Variants in SLC25A28 observed in about 807,000 individuals in gnomAD.
SLC25A28 encodes the protein mitoferrin-2.
A neutral mutation model predicts 31.9 loss-of-function variants in SLC25A28; 10 were observed. That is an observed-to-expected ratio of 0.31 (90% CI 0.19 to 0.53). SLC25A28 has a LOEUF of 0.53. Among genes scored for constraint, SLC25A28 ranks in the 20% least tolerant of loss-of-function variants. The pLI is 0.95. For missense variants in SLC25A28, 256 were observed against 490.3 expected (o/e 0.52, Z 4.51); for synonymous variants, 208 against 203.6 (o/e 1.02, Z -0.19).
At chr10:99,614,837 A>T (rs1007338925) in intron 1 of SLC25A28, among the ~76,000 whole-genome samples, 1 of 152,186 alleles carries the variant, frequency 6.6e-6, no homozygotes, top group Admixed American at 6.5e-5. Context: ...GTAAAGTAAC[A>T]TGGAAACTAA....
Position 99,617,835 on chromosome 10 carries a change from CAAA to C in SLC25A28, c.291+2207_291+2209del. 3.2e-6 allele frequency: 3 copies of C among 944,962 alleles called. No homozygotes were observed. The South Asian group carries it at 1.5e-4, about 46-fold the overall frequency. 58.5% of individuals were successfully genotyped at this position (944,962 alleles called of 1,614,324 possible). A position where few individuals can be genotyped will look rare whatever the true frequency, so the allele number is the denominator to read the frequency against. ...TGTTGTATGACTAATTTTTAAAAAA[CAAA>C]AATTCCAAAGTTTATGTAAATGAGT... On this transcript the variant is annotated intron_variant, in intron 1 of 3. Transcript: ENST00000370495.
intron 1 of SLC25A28, chr10:99,616,891 A>T (rs564671903): frequency 7.5e-6 from 7 of 936,542 alleles, no homozygotes; most frequent in Non-Finnish European, 7.6e-6. Flanking sequence ...AAATGAATAA[A>T]TGTATGTAAG....
the SLC25A28 span, chr10:99,652,129 G>A: frequency 2.0e-5 from 3 of 151,928 alleles, no homozygotes; most frequent in Admixed American, 2.0e-4. Context: ...ATTTCTCTGC[G>A]TTCTTATCAT....
At chr10:99,629,104 C>CT in the SLC25A28 span, among the ~76,000 whole-genome samples, 1 of 152,122 alleles carries the variant, frequency 6.6e-6, no homozygotes, top group Non-Finnish European at 1.5e-5. Context: ...CCAGGTGGGC[C>CT]TACTGGGAGG....
At chr10:99,642,557 A>T in the SLC25A28 span, among the ~76,000 whole-genome samples, 1 of 151,748 alleles carries the variant, frequency 6.6e-6, no homozygotes, top group Non-Finnish European at 1.5e-5. Flanking sequence ...AATACCCTTT[A>T]TTTTTCTCCT....
the SLC25A28 span, among the ~76,000 whole-genome samples, chr10:99,656,741 G>T: frequency 6.6e-6 from 1 of 152,230 alleles, no homozygotes; most frequent in African/African-American, 2.4e-5. Context: ...AATTGCAAAT[G>T]TAATTGTAAG....
chr10:99,627,408 A>G, the SLC25A28 span, among the ~76,000 whole-genome samples: 3 of 149,144 alleles, frequency 2.0e-5, no homozygotes, highest in East Asian at 5.9e-4. Flanking sequence ...ATCCAATTAC[A>G]CTCTTTATTT....
At chr10:99,658,897 C>G in the SLC25A28 span, among the ~76,000 whole-genome samples, 1 of 152,194 alleles carries the variant, frequency 6.6e-6, no homozygotes, top group African/African-American at 2.4e-5. Flanking sequence ...TTCATGATGA[C>G]TGGCATAAGC....
the SLC25A28 span, among the ~76,000 whole-genome samples, chr10:99,645,495 G>C: frequency 6.6e-6 from 1 of 152,082 alleles, no homozygotes; most frequent in African/African-American, 2.4e-5. Flanking sequence ...CGGTGGGTTC[G>C]AACATTCTCC....
At chr10:99,657,539 G>A in the SLC25A28 span, among the ~76,000 whole-genome samples, 2 of 151,870 alleles carry the variant, frequency 1.3e-5, no homozygotes, top group Non-Finnish European at 2.9e-5. Context: ...AAGAAGAAAG[G>A]CAAATTAGGA....
the SLC25A28 span, among the ~76,000 whole-genome samples, chr10:99,643,374 C>T: frequency 6.6e-6 from 1 of 152,196 alleles, no homozygotes; most frequent in African/African-American, 2.4e-5. Flanking sequence ...ATAGTATTCT[C>T]TGATGGTAGT....
Position 99,612,604 on chromosome 10 carries a change from A to G in SLC25A28, c.521-5T>C, listed in dbSNP as rs774749885. 1.9e-6 allele frequency: 3 copies of G among 1,614,162 alleles called. No individual in the cohort carries two copies. Among genetic ancestry groups the G allele is most frequent in the Middle Eastern group, 1.6e-4 (1 of 6,062 alleles). On this transcript the variant is annotated splice_region_variant and splice_polypyrimidine_tract_variant and intron_variant, in intron 2 of 3. Coordinates refer to ENST00000370495, the MANE Select transcript of SLC25A28 (RefSeq NM_031212.4). ...TTGCCACACACCCGGCCGCACCTGC[A>G]AACAAGAAAACAACTGCCACATGTA...
chr10:99,612,765 A>C lies in SLC25A28; in HGVS notation c.521-166T>G, dbSNP rs180898187. The C allele has an allele frequency of 7.1e-3, 5,114 of 718,008 alleles. 32 individuals are homozygous for C. Among genetic ancestry groups the C allele is most frequent in the South Asian group, 0.017 (1,030 of 61,816 alleles). The allele number at this position is 718,008 out of a possible 1,614,324, so 44.5% of individuals were successfully genotyped here. A position where few individuals can be genotyped will look rare whatever the true frequency, so the allele number is the denominator to read the frequency against. ...CACTGCTCCTAAACTCCTGTTTAAG[A>C]AGGTAAAGTATCTGTTCCCACCAAC... On this transcript the variant is annotated intron_variant, in intron 2 of 3. Transcript: ENST00000370495.
upstream of SLC25A28, among the ~76,000 whole-genome samples, chr10:99,624,183 TC>T (rs2034840853): frequency 6.6e-6 from 1 of 151,634 alleles, no homozygotes. Flanking sequence ...TTCCTTTTTT[TC>T]TTCCTTCCTT....
the SLC25A28 span, among the ~76,000 whole-genome samples, chr10:99,635,983 T>C: frequency 6.6e-6 from 1 of 152,286 alleles, no homozygotes; most frequent in East Asian, 1.9e-4. Context: ...CGATTACTAA[T>C]AGACCTAATA....
the SLC25A28 span, among the ~76,000 whole-genome samples, chr10:99,635,042 G>A: frequency 2.0e-5 from 3 of 152,166 alleles, no homozygotes; most frequent in Non-Finnish European, 2.9e-5. Flanking sequence ...TATCCAGCAA[G>A]ACTAAGCATC....
At chr10:99,652,434 C>T in the SLC25A28 span, among the ~76,000 whole-genome samples, 1 of 151,392 alleles carries the variant, frequency 6.6e-6, no homozygotes, top group African/African-American at 2.5e-5. Context: ...AGCAAATGCC[C>T]CTTTTTTTTT....
At position 99,611,528 on chromosome 10, in the gene SLC25A28, T is replaced by C; in HGVS notation, c.578-162A>G. The C allele has an allele frequency of 1.2e-6, 1 of 852,294 alleles. No homozygotes were observed. Among genetic ancestry groups the C allele is most frequent in the Non-Finnish European group, 1.8e-6 (1 of 561,726 alleles). 52.8% of individuals were successfully genotyped at this position (852,294 alleles called of 1,614,324 possible). A position where few individuals can be genotyped will look rare whatever the true frequency, so the allele number is the denominator to read the frequency against. ...AACCTGAGAAGTCAGCTTCCCTTTTTTGAGGGGAAGGAGTAAGCAGAGGGT... is the reference window on the plus strand; with the variant it reads ...AACCTGAGAAGTCAGCTTCCCTTTTCTGAGGGGAAGGAGTAAGCAGAGGGT... On this transcript the variant is annotated intron_variant, in intron 3 of 3. Coordinates refer to ENST00000370495, the MANE Select transcript of SLC25A28 (RefSeq NM_031212.4). This position sits in a 1 kb window ranked among gnomAD's most constrained non-coding sequence, Gnocchi z 5.5.
the SLC25A28 span, among the ~76,000 whole-genome samples, chr10:99,635,626 A>G: frequency 1.3e-5 from 2 of 151,810 alleles, no homozygotes; most frequent in African/African-American, 4.8e-5. Context: ...TGCAGTGAGC[A>G]GAGATCATGC....
Sources: gnomAD v4.1 joint callset for allele counts (sites outside exome capture counted in the v4.1 genomes callset) on GRCh38, gnomAD v4.1.1 for gene constraint, Gnocchi (gnomAD v3.1) non-coding constraint, MANE v1.5 for transcripts, NCBI Gene and HGNC (gene_info 2026-07-23, HGNC 2026-07-21) for gene names.